Variants in SLC35F4 observed in about 807,000 individuals in gnomAD.
The protein encoded by SLC35F4 is chromosome 14 open reading frame 36.
Under a neutral mutation model 44.2 loss-of-function variants are expected in SLC35F4, and 24 were observed. The ratio of observed to expected loss-of-function variants is 0.54; its 90% CI spans 0.39 to 0.76. The LOEUF is 0.76. Ranked by LOEUF, SLC35F4 falls within the 30% of genes least tolerant of loss-of-function variation. The pLI, the probability that SLC35F4 is intolerant of heterozygous loss-of-function variation, is 0.00. For missense variants in SLC35F4, 562 were observed against 586.1 expected (o/e 0.96, Z 0.42); for synonymous variants, 238 against 223.6 (o/e 1.06, Z -0.57).
intron 1 of SLC35F4, among the ~76,000 whole-genome samples, chr14:57,801,592 C>G (rs969311803): frequency 6.6e-6 from 1 of 151,976 alleles, no homozygotes; most frequent in Non-Finnish European, 1.5e-5. Flanking sequence ...AGACCCATCT[C>G]ACATGCAAAG....
intron 1 of SLC35F4, among the ~76,000 whole-genome samples, chr14:57,847,303 T>C (rs1002980375): frequency 6.6e-6 from 1 of 152,152 alleles, no homozygotes; most frequent in Non-Finnish European, 1.5e-5. Flanking sequence ...ATGCAAGCTG[T>C]GCCTTGGGAT....
chr14:57,764,558 T>C (rs2140643480), intron 1 of SLC35F4, among the ~76,000 whole-genome samples: 1 of 152,348 alleles, frequency 6.6e-6, no homozygotes, highest in East Asian at 1.9e-4. Flanking sequence ...AATTCTAAAT[T>C]GCCTTTTTAT....
intron 1 of SLC35F4, among the ~76,000 whole-genome samples, chr14:57,775,439 C>T (rs1298370245): frequency 1.3e-5 from 2 of 152,232 alleles, no homozygotes; most frequent in East Asian, 1.9e-4. Context: ...TCAGCCCCTC[C>T]GGTACAGCAG....
chr14:57,693,915 C>G (rs1246276657), intron 1 of SLC35F4, among the ~76,000 whole-genome samples: 1 of 152,148 alleles, frequency 6.6e-6, no homozygotes, highest in Non-Finnish European at 1.5e-5. Context: ...CCCAAGAATT[C>G]TAAATCTGGT....
chr14:57,782,140 A>G (rs907949043), intron 1 of SLC35F4, among the ~76,000 whole-genome samples: 3 of 152,238 alleles, frequency 2.0e-5, no homozygotes, highest in Non-Finnish European at 4.4e-5. Flanking sequence ...ACAGTTTAAC[A>G]TATTCATCAC....
chr14:57,949,352 G>C (rs577241456), intron 1 of SLC35F4, among the ~76,000 whole-genome samples: 1 of 152,212 alleles, frequency 6.6e-6, no homozygotes, highest in African/African-American at 2.4e-5. Context: ...AGCTAATCCT[G>C]CTCACTTTTG....
At chr14:57,577,232 T>G (rs2068853376) in intron 4 of SLC35F4, among the ~76,000 whole-genome samples, 1 of 152,066 alleles carries the variant, frequency 6.6e-6, no homozygotes, top group African/African-American at 2.4e-5. Context: ...CCAATTTGAA[T>G]TCAAAGAAGT....
At chr14:57,806,042 T>A (rs72624722) in intron 1 of SLC35F4, among the ~76,000 whole-genome samples, 10,863 of 152,254 alleles carry the variant, frequency 0.071, 967 homozygotes, top group East Asian at 0.33. Flanking sequence ...TTGAATATGC[T>A]CTATTCAAAT....
intron 7 of SLC35F4, among the ~76,000 whole-genome samples, chr14:57,565,610 A>G (rs528024295): frequency 1.2e-4 from 18 of 151,866 alleles, no homozygotes; most frequent in African/African-American, 3.6e-4. Flanking sequence ...CTCCTTGACA[A>G]CTCCACTCTG....
In SLC35F4 at chr14:57,564,087, T is replaced by C. The variant is rs2068084642; in HGVS notation, c.*48A>G. 1.3e-6 allele frequency: 2 copies of C among 1,597,284 alleles called. No homozygotes were observed. Among genetic ancestry groups the C allele is most frequent in the East Asian group, 4.5e-5 (2 of 44,496 alleles). On this transcript the variant is annotated 3_prime_UTR_variant, in exon 8 of 8. Coordinates refer to ENST00000556826, the MANE Select transcript of SLC35F4 (RefSeq NM_001306087.2). ...GTGTACAGGTAGTGAGAAAATTTTG[T>C]TATATTCACAGAATATACATACACG...
At chr14:57,695,456 C>G (rs931328010) in intron 1 of SLC35F4, among the ~76,000 whole-genome samples, 12 of 151,628 alleles carry the variant, frequency 7.9e-5, no homozygotes, top group African/African-American at 2.9e-4. Context: ...AAATGCAAAT[C>G]AAAACCACAA....
chr14:57,717,607 G>C (rs1410672916), intron 1 of SLC35F4, among the ~76,000 whole-genome samples: 2 of 152,204 alleles, frequency 1.3e-5, no homozygotes, highest in South Asian at 2.1e-4. Flanking sequence ...CTGCACTCCA[G>C]CCTGGGCGAC....
intron 1 of SLC35F4, among the ~76,000 whole-genome samples, chr14:57,678,811 A>G (rs1184748721): frequency 1.3e-5 from 2 of 152,120 alleles, no homozygotes; most frequent in South Asian, 4.1e-4. Flanking sequence ...GGATCAATGC[A>G]ACAAGAAGAG....
intron 1 of SLC35F4, among the ~76,000 whole-genome samples, chr14:57,827,962 A>G (rs1387054678): frequency 6.6e-6 from 1 of 152,196 alleles, no homozygotes; most frequent in East Asian, 1.9e-4. Flanking sequence ...TTTGGTCATG[A>G]AGGAGCCCTA....
At chr14:57,962,337 C>A (rs1890353815) in intron 1 of SLC35F4, among the ~76,000 whole-genome samples, 1 of 152,276 alleles carries the variant, frequency 6.6e-6, no homozygotes, top group East Asian at 1.9e-4. Context: ...GACAGAACTC[C>A]AGGAGGATGT....
chr14:57,701,684 G>A (rs1034905765), intron 1 of SLC35F4, among the ~76,000 whole-genome samples: 4 of 152,250 alleles, frequency 2.6e-5, no homozygotes, highest in South Asian at 2.1e-4. Flanking sequence ...ATGTCGTTAC[G>A]TGGCACATGA....
upstream of SLC35F4, among the ~76,000 whole-genome samples, chr14:57,867,100 C>T (rs1218253959): frequency 4.0e-5 from 6 of 151,646 alleles, no homozygotes; most frequent in Admixed American, 1.3e-4. Flanking sequence ...GTCCACCTTC[C>T]GTGCAGAGCT....
At chr14:57,836,800 A>G (rs567208798) in intron 1 of SLC35F4, among the ~76,000 whole-genome samples, 2 of 152,188 alleles carry the variant, frequency 1.3e-5, no homozygotes, top group Non-Finnish European at 2.9e-5. Context: ...CTTTAAGCAG[A>G]TCACAGACAT....
At chr14:57,590,852 C>A (rs1039941834) in intron 2 of SLC35F4, among the ~76,000 whole-genome samples, 1 of 152,210 alleles carries the variant, frequency 6.6e-6, no homozygotes, top group African/African-American at 2.4e-5. Flanking sequence ...CCAGAGCCTA[C>A]TGGCTCTCCG....
Sources: allele counts gnomAD v4.1 joint callset (sites outside exome capture counted in the v4.1 genomes callset), GRCh38; gene constraint gnomAD v4.1.1; transcripts MANE v1.5; gene names NCBI Gene and HGNC (gene_info 2026-07-23, HGNC 2026-07-21).